Variants in AK5 observed in about 807,000 individuals in gnomAD.
AK5 encodes adenylate kinase 5.
Under a neutral mutation model 69.5 loss-of-function variants are expected in AK5, and 27 were observed. That is an observed-to-expected ratio of 0.39 (90% confidence interval 0.29 to 0.54). AK5 has a LOEUF of 0.54. Among genes scored for constraint, AK5 ranks in the 20% least tolerant of loss-of-function variants. The pLI, the probability that AK5 is intolerant of heterozygous loss-of-function variation, is 0.71. For synonymous variants in AK5, 260 were observed against 244.4 expected (o/e 1.06, Z -0.60); for missense variants, 531 against 700.4 (o/e 0.76, Z 2.73).
intron 6 of AK5, among the ~76,000 whole-genome samples, chr1:77,341,691 C>T (rs1475768108): frequency 6.6e-6 from 1 of 152,116 alleles, no homozygotes; most frequent in African/African-American, 2.4e-5. Context: ...ATCTTTTTAG[C>T]ACCATAAAGA....
intron 12 of AK5, among the ~76,000 whole-genome samples, chr1:77,530,522 G>A (rs1344680685): frequency 1.3e-5 from 2 of 152,162 alleles, no homozygotes; most frequent in Middle Eastern, 3.2e-3. Context: ...GAGTGAGGCC[G>A]CTGACTCTTT....
rs572963067 is a variant in AK5 at position 77,410,055 on chromosome 1, A to G, written c.892-926A>G. On this transcript the variant is annotated intron_variant, in intron 6 of 13. Coordinates refer to ENST00000354567, the MANE Select transcript of AK5 (RefSeq NM_174858.3). The stretch of plus-strand genomic sequence containing the variant: ...AAAGCTATTTTTAAAAACTAAAGGG[A>G]CAAAAATGTGTTAACAAACCACTGA... Among the ~76,000 whole-genome samples the G allele has an allele frequency of 2.6e-5, 4 of 152,294 alleles. No individual in the cohort carries two copies. The South Asian group carries it at 8.3e-4, about 32-fold the overall frequency.
intron 8 of AK5, among the ~76,000 whole-genome samples, chr1:77,476,305 A>G (rs796143523): frequency 2.6e-4 from 40 of 152,306 alleles, no homozygotes; most frequent in African/African-American, 9.1e-4. Context: ...ATTACTTTAA[A>G]TGAAAACATG....
intron 6 of AK5, among the ~76,000 whole-genome samples, chr1:77,386,685 A>G (rs556257169): frequency 3.9e-5 from 6 of 152,336 alleles, no homozygotes; most frequent in African/African-American, 1.2e-4. Context: ...GCTGTTACAT[A>G]TGTATAATGT....
intron 5 of AK5, among the ~76,000 whole-genome samples, chr1:77,338,033 C>T (rs1213965404): frequency 2.0e-5 from 3 of 151,106 alleles, no homozygotes; most frequent in East Asian, 1.9e-4. Context: ...GGCACGATCT[C>T]AGCTCACTGC....
intron 8 of AK5, among the ~76,000 whole-genome samples, chr1:77,440,222 C>A (rs1652240803): frequency 6.6e-6 from 1 of 152,162 alleles, no homozygotes; most frequent in Non-Finnish European, 1.5e-5. Context: ...ATTTCTCCCT[C>A]ATTTCTGAAG....
intron 5 of AK5, among the ~76,000 whole-genome samples, chr1:77,322,905 G>GAGAGAATGCATTTAGTTTCAC (rs973234647): frequency 6.6e-6 from 1 of 152,214 alleles, no homozygotes; most frequent in African/African-American, 2.4e-5. Context: ...TATTTTGTAA[G>GAGAGAATGCATTTAGTTTCAC]AGAGAATGCA....
In AK5 at chr1:77,297,718, T is replaced by C; in HGVS notation, c.575T>C (p.Leu192Ser). ...LIAKIITTGE[L>S]APQETTITEI... ...GCCAAGATAATTACAACTGGAGAAT[T>C]GGCCCCACAGGTACTGCTGTATAAT... is the stretch of plus-strand genomic sequence containing the variant. The change falls in exon 4 of 14, where the codon TTG becomes TCG. Residue 192 changes from leucine (L) to serine (S), a missense_variant. Leu to Ser is a moderately radical substitution (Grantham distance 145). Transcript: ENST00000354567. The C allele has an allele frequency of 6.2e-7, 1 of 1,612,664 alleles. No individual in the cohort carries two copies. Among genetic ancestry groups the C allele is most frequent in the South Asian group, 1.1e-5 (1 of 90,662 alleles).
chr1:77,494,687 T>G (rs1656191857), intron 10 of AK5, among the ~76,000 whole-genome samples: 1 of 152,132 alleles, frequency 6.6e-6, no homozygotes, highest in Non-Finnish European at 1.5e-5. Flanking sequence ...TCCTCTAGCC[T>G]AAAATATTCA....
chr1:77,419,570 A>C (rs909130657), intron 8 of AK5, among the ~76,000 whole-genome samples: 1 of 152,238 alleles, frequency 6.6e-6, no homozygotes, highest in Non-Finnish European at 1.5e-5. Context: ...CAATTGAAAC[A>C]GAAATTCAAT....
chr1:77,325,256 C>T (rs1016198373), intron 5 of AK5, among the ~76,000 whole-genome samples: 1 of 151,574 alleles, frequency 6.6e-6, no homozygotes, highest in Admixed American at 6.6e-5. Context: ...CCGCCCACCT[C>T]GGCCTCCCAA....
chr1:77,473,850 A>T (rs1304958229), intron 8 of AK5, among the ~76,000 whole-genome samples: 1 of 152,214 alleles, frequency 6.6e-6, no homozygotes, highest in Non-Finnish European at 1.5e-5. Flanking sequence ...CCTGGCATAC[A>T]GCAAATGCTC....
intron 8 of AK5, among the ~76,000 whole-genome samples, chr1:77,428,319 G>A (rs1216855694): frequency 6.6e-6 from 1 of 152,122 alleles, no homozygotes; most frequent in East Asian, 1.9e-4. Flanking sequence ...TTTGTTCATT[G>A]AAAATACCTG....
In AK5 at chr1:77,483,132, C is replaced by T. The variant is rs932367400; in HGVS notation, c.1060-185C>T. On this transcript the variant is annotated intron_variant, in intron 8 of 13. Coordinates refer to ENST00000354567, the MANE Select transcript of AK5 (RefSeq NM_174858.3). The stretch of plus-strand genomic sequence containing the variant: ...TGAGCTCTGTCCCTCACTACCCTGT[C>T]ACCTTTGGAAAGTTAACTTTTAGAA... Among the ~76,000 whole-genome samples the T allele has an allele frequency of 1.7e-4, 25 of 150,808 alleles. 1 individual carries two copies. The highest frequency in any genetic ancestry group is 1.6e-4 in the Non-Finnish European group (11 of 67,848).
At chr1:77,372,649 C>T (rs1164589100) in intron 6 of AK5, among the ~76,000 whole-genome samples, 1 of 152,106 alleles carries the variant, frequency 6.6e-6, no homozygotes, top group Non-Finnish European at 1.5e-5. Context: ...TATATAAGGA[C>T]TCAAAATTAC....
intron 8 of AK5, among the ~76,000 whole-genome samples, chr1:77,476,116 G>A (rs1654921443): frequency 6.6e-6 from 1 of 152,110 alleles, no homozygotes; most frequent in Admixed American, 6.5e-5. Flanking sequence ...GAAAAAGTTA[G>A]CCTAGCATCT....
chr1:77,455,000 C>G (rs1238058572), intron 8 of AK5, among the ~76,000 whole-genome samples: 1 of 152,194 alleles, frequency 6.6e-6, no homozygotes. Flanking sequence ...TGATGATTAA[C>G]AGCTCACTTT....
At position 77,559,156 on chromosome 1, in the gene AK5, A is replaced by G. The variant is rs1437921846; in HGVS notation, c.*486A>G. 6.6e-6 allele frequency: 1 copy of G among 152,414 alleles called. No individual in the cohort carries two copies. Among genetic ancestry groups the G allele is most frequent in the Non-Finnish European group, 1.5e-5 (1 of 68,378 alleles). 9.4% of individuals were successfully genotyped at this position (152,414 alleles called of 1,614,324 possible). A position where few individuals can be genotyped will look rare whatever the true frequency, so the allele number is the denominator to read the frequency against. ...CCTTTGGTGTCTGGCTGTTTTGTCAACTCTCATCCACTGGTGGCTCAGAGC... is the reference window on the plus strand; with the variant it reads ...CCTTTGGTGTCTGGCTGTTTTGTCAGCTCTCATCCACTGGTGGCTCAGAGC... On this transcript the variant is annotated 3_prime_UTR_variant, in exon 14 of 14. Coordinates refer to ENST00000354567, the MANE Select transcript of AK5 (RefSeq NM_174858.3).
At position 77,299,032 on chromosome 1, in the gene AK5, C is replaced by T. The variant is rs1659187400; in HGVS notation, c.699+1085C>T. On this transcript the variant is annotated intron_variant, in intron 5 of 13. Coordinates refer to ENST00000354567, the MANE Select transcript of AK5 (RefSeq NM_174858.3). The stretch of plus-strand genomic sequence containing the variant: ...ACATGCATACATACATGTATGGACA[C>T]ATGTGCACATGCTCATATACAAATG... Among the ~76,000 whole-genome samples the T allele has an allele frequency of 2.0e-5, 3 of 152,128 alleles. No individual in the cohort carries two copies. The South Asian group carries it at 6.2e-4, about 31-fold the overall frequency.
Sources: allele counts gnomAD v4.1 joint callset (sites outside exome capture counted in the v4.1 genomes callset), GRCh38; gene constraint gnomAD v4.1.1; transcripts MANE v1.5; gene names NCBI Gene and HGNC (gene_info 2026-07-23, HGNC 2026-07-21).